Variants in AHRR observed in about 807,000 individuals in gnomAD.
AHRR encodes aryl hydrocarbon receptor repressor.
A neutral mutation model predicts 44.0 loss-of-function variants in AHRR; 28 were observed. The observed-to-expected ratio is 0.64, with a 90% CI of 0.47 to 0.87. The LOEUF is 0.87. Among genes scored for constraint, AHRR ranks in the 40% least tolerant of loss-of-function variants. AHRR has a pLI of 0.00. For synonymous variants in AHRR, 434 were observed against 407.0 expected (o/e 1.07, Z -0.80); for missense variants, 990 against 953.9 (o/e 1.04, Z -0.50).
chr5:415,843 T>A (rs1246963173), intron 5 of AHRR, among the ~76,000 whole-genome samples: 2 of 152,170 alleles, frequency 1.3e-5, no homozygotes, highest in Admixed American at 6.5e-5. Flanking sequence ...CACAGTTTTA[T>A]CCAATTTCCA....
At chr5:368,304 G>T (rs771249881) in intron 3 of AHRR, among the ~76,000 whole-genome samples, 1 of 152,216 alleles carries the variant, frequency 6.6e-6, no homozygotes, top group African/African-American at 2.4e-5. Context: ...GCCTGAGGGT[G>T]TGGGCCAGGG....
chr5:347,489 T>C (rs970418144), intron 2 of AHRR, among the ~76,000 whole-genome samples: 2 of 152,200 alleles, frequency 1.3e-5, no homozygotes, highest in African/African-American at 4.8e-5. Context: ...TTAAAATATA[T>C]GTATTTATGT....
intron 3 of AHRR, among the ~76,000 whole-genome samples, chr5:365,145 A>G (rs898079372): frequency 4.6e-5 from 7 of 152,128 alleles, no homozygotes; most frequent in Admixed American, 1.3e-4. Flanking sequence ...GAAAAAAAAA[A>G]GGTTAATTTA....
Position 411,075 on chromosome 5 carries a change from T to A in AHRR, c.352-2269T>A, listed in dbSNP as rs1477169804. 6.6e-6 allele frequency among the ~76,000 whole-genome samples: 1 copy of A among 152,174 alleles called. No homozygotes were observed. Among genetic ancestry groups the A allele is most frequent in the Non-Finnish European group, 1.5e-5 (1 of 68,024 alleles). ...CCGTTTTATTAATCTTTTCAAAATTTTCAAAAATTCAAATTTTGACTCTGT... is the reference window on the plus strand; with the variant it reads ...CCGTTTTATTAATCTTTTCAAAATTATCAAAAATTCAAATTTTGACTCTGT... On this transcript the variant is annotated intron_variant, in intron 4 of 10. Transcript: ENST00000684583. The surrounding 1 kb of genome is among the most constrained non-coding windows in gnomAD (Gnocchi z 4.2).
Position 436,653 on chromosome 5 carries a change from G to C in AHRR, c.*1819G>C, listed in dbSNP as rs1220141618. On this transcript the variant is annotated 3_prime_UTR_variant, in exon 11 of 11. Coordinates refer to ENST00000684583, the MANE Select transcript of AHRR (RefSeq NM_001377236.1). ...CACTCACTCTCTGCTTAGCCAGGGG[G>C]CGTCTTTCAAAAGGTGACCTCCATG... 1 of 152,438 alleles carries C rather than the reference G, an allele frequency of 6.6e-6. No individual in the cohort carries two copies. The highest frequency in any genetic ancestry group is 1.5e-5 in the Non-Finnish European group (1 of 68,118). The allele number at this position is 152,438 out of a possible 1,614,324, so 9.4% of individuals were successfully genotyped here. A position where few individuals can be genotyped will look rare whatever the true frequency, so the allele number is the denominator to read the frequency against.
At chr5:351,058 A>C (rs1369731088) in intron 2 of AHRR, among the ~76,000 whole-genome samples, 2 of 152,200 alleles carry the variant, frequency 1.3e-5, no homozygotes, top group African/African-American at 2.4e-5. Flanking sequence ...ACAAAATACC[A>C]CTTCACACAC....
In AHRR at chr5:434,145, C is replaced by T. The variant is rs747635189; in HGVS notation, c.1405C>T (p.Arg469Trp). ...CTCCAGCCGGACCAGCAGACCCATG[C>T]GGGATGTCGGTGAGGACCAGGTGCA... is the stretch of plus-strand genomic sequence containing the variant. ...AYSSRTSRPM[R>W]DVGEDQVHPP... Residue 469 changes from arginine (R) to tryptophan (W), a missense_variant, in exon 11 of 11, where the codon CGG (arginine) becomes TGG (tryptophan). By Grantham distance (101) the Arg-to-Trp change is moderately radical (BLOSUM62 -3). Transcript: ENST00000684583. 67 of 1,609,624 alleles carry T rather than the reference C, an allele frequency of 4.2e-5. No homozygotes were observed. The highest frequency in any genetic ancestry group is 3.3e-4 in the South Asian group (30 of 90,380).
chr5:372,636 G>A (rs1054114066), intron 3 of AHRR, among the ~76,000 whole-genome samples: 7 of 152,134 alleles, frequency 4.6e-5, no homozygotes, highest in South Asian at 2.1e-4. Context: ...GCAGGGGTGC[G>A]TGATCTCCAA....
chr5:396,834 C>A (rs1379763670), intron 4 of AHRR, among the ~76,000 whole-genome samples: 1 of 151,826 alleles, frequency 6.6e-6, no homozygotes, highest in African/African-American at 2.4e-5. Flanking sequence ...CATCCCAGGC[C>A]AGTTCCAGGA....
At chr5:396,753 A>G (rs1734721777) in intron 4 of AHRR, among the ~76,000 whole-genome samples, 1 of 152,100 alleles carries the variant, frequency 6.6e-6, no homozygotes, top group African/African-American at 2.4e-5. Flanking sequence ...GAGTGGGCAC[A>G]GCAGGAAGGT....
At chr5:389,660 G>A (rs1307086192) in intron 4 of AHRR, among the ~76,000 whole-genome samples, 1 of 151,962 alleles carries the variant, frequency 6.6e-6, no homozygotes, top group African/African-American at 2.4e-5. Flanking sequence ...TCAGAGCACT[G>A]CACGCCTCCA....
intron 4 of AHRR, 64 bp downstream of exon 4, chr5:376,780 G>A: frequency 1.4e-6 from 2 of 1,407,950 alleles, no homozygotes; most frequent in Admixed American, 3.9e-5. Context: ...GCGTGTTCAG[G>A]CTCAGTCATA....
At chr5:379,673 A>G (rs1171673380) in intron 4 of AHRR, among the ~76,000 whole-genome samples, 1 of 152,212 alleles carries the variant, frequency 6.6e-6, no homozygotes, top group African/African-American at 2.4e-5. Flanking sequence ...GTGCATTAAG[A>G]AAACCAGCTC....
At chr5:425,676 C>T (rs749075277) in intron 7 of AHRR, among the ~76,000 whole-genome samples, 12 of 152,138 alleles carry the variant, frequency 7.9e-5, no homozygotes, top group Non-Finnish European at 1.6e-4. Context: ...ACTGTGCAGC[C>T]ACTGGAATAT....
intron 7 of AHRR, chr5:427,523 T>C (rs1175361388): frequency 7.6e-7 from 1 of 1,307,686 alleles, no homozygotes; most frequent in Admixed American, 1.8e-5. Context: ...GTGGCACACA[T>C]GAACAGGCAC....
At position 361,342 on chromosome 5, in the gene AHRR, G is replaced by C. The variant is rs116028956; in HGVS notation, c.244+7431G>C. On this transcript the variant is annotated intron_variant, in intron 3 of 10. Coordinates refer to ENST00000684583, the MANE Select transcript of AHRR (RefSeq NM_001377236.1). ...GGAGCCCAGCCGGGAAGCCTCCTCA[G>C]CAGAGGCCAGGAGTGGGATGGCACC... 9.1e-3 allele frequency among the ~76,000 whole-genome samples: 1,387 copies of C among 152,352 alleles called. 13 individuals are homozygous for C. Among genetic ancestry groups the C allele is most frequent in the African/African-American group, 0.032 (1,314 of 41,572 alleles).
chr5:352,058 C>T (rs1579613646), intron 2 of AHRR, among the ~76,000 whole-genome samples: 8 of 152,258 alleles, frequency 5.3e-5, no homozygotes, highest in Admixed American at 5.2e-4. Context: ...AGTAACTGGC[C>T]CCTGCTCAGT....
Position 338,451 on chromosome 5 carries a change from T to C in AHRR, c.-10-5442T>C, listed in dbSNP as rs1742219133. Among the ~76,000 whole-genome samples, 2 of 152,190 alleles carry C rather than the reference T, an allele frequency of 1.3e-5. No individual in the cohort carries two copies. The highest frequency in any genetic ancestry group is 1.3e-4 in the Admixed American group (2 of 15,280). On this transcript the variant is annotated intron_variant, in intron 1 of 10. Transcript: ENST00000684583. This position sits in a 1 kb window ranked among gnomAD's most constrained non-coding sequence, Gnocchi z 4.1. ...GTTTCAGGGTTTTTTCTTTCAGCTT[T>C]AAAGATGTTGCTCCACTACCTTCTT...
At position 432,406 on chromosome 5, in the gene AHRR, CCACATGTCATCTTGTTCATCCGT is replaced by C; in HGVS notation, c.909-47_909-25del. ...TTTCTACCATCAAAACATGTTTCAT[CCACATGTCATCTTGTTCATCCGT>C]CACATGTCACATGTTCATCTGTGTT... On this transcript the variant is annotated intron_variant, in intron 8 of 10. Coordinates refer to ENST00000684583, the MANE Select transcript of AHRR (RefSeq NM_001377236.1). 2.0e-6 allele frequency: 3 copies of C among 1,513,832 alleles called. No homozygotes were observed. The South Asian group carries it at 3.4e-5, about 17-fold the overall frequency. 93.8% of individuals were successfully genotyped at this position (1,513,832 alleles called of 1,614,324 possible). A position where few individuals can be genotyped will look rare whatever the true frequency, so the allele number is the denominator to read the frequency against.
Sources: allele counts gnomAD v4.1 joint callset (sites outside exome capture counted in the v4.1 genomes callset), GRCh38; gene constraint gnomAD v4.1.1; non-coding constraint Gnocchi (gnomAD v3.1); transcripts MANE v1.5; gene names NCBI Gene and HGNC (gene_info 2026-07-23, HGNC 2026-07-21).